The following PDE1A variants were observed in gnomAD, a reference collection of about 807,000 sequenced individuals.
PDE1A encodes the protein phosphodiesterase 1A.
Under a neutral mutation model 61.7 loss-of-function variants are expected in PDE1A, and 35 were observed. The ratio of observed to expected loss-of-function variants is 0.57; its 90% confidence interval spans 0.43 to 0.75. The LOEUF (loss-of-function observed/expected upper bound fraction) is 0.75. PDE1A is among the 30% of genes least tolerant of loss of function. The probability of loss-of-function intolerance (pLI) is 0.00; values close to 1 mark genes in which losing one functional copy is unlikely to be tolerated. For missense variants in PDE1A, 597 were observed against 630.6 expected (o/e 0.95, Z 0.57); for synonymous variants, 232 against 213.2 (o/e 1.09, Z -0.77).
chr2:182,675,367 T>C, the PDE1A span, among the ~76,000 whole-genome samples: 1 of 152,304 alleles, frequency 6.6e-6, no homozygotes, highest in East Asian at 1.9e-4. Context: ...TAGATGGGCA[T>C]TTAGGTTGAT....
chr2:182,239,225 T>G (rs1280146361), intron 3 of PDE1A, among the ~76,000 whole-genome samples: 3 of 152,218 alleles, frequency 2.0e-5, no homozygotes, highest in African/African-American at 7.2e-5. Context: ...TATCAGAAGA[T>G]GAGAAATAAT....
At chr2:182,169,882 TGGACA>T (rs1376641591) in intron 13 of PDE1A, among the ~76,000 whole-genome samples, 1 of 146,084 alleles carries the variant, frequency 6.8e-6, no homozygotes, top group Non-Finnish European at 1.5e-5. Flanking sequence ...GCAAATACAG[TGGACA>T]GGAGACACAC....
intron 1 of PDE1A, among the ~76,000 whole-genome samples, chr2:182,307,429 T>G (rs2125934475): frequency 6.6e-6 from 1 of 152,268 alleles, no homozygotes; most frequent in Middle Eastern, 3.4e-3. Flanking sequence ...CTCTTGCCCT[T>G]CCACCATGTG....
rs146130996 is a variant in PDE1A at position 182,359,640 on chromosome 2, T to C, written c.53+66938A>G. On this transcript the variant is annotated intron_variant, in intron 1 of 13. Coordinates refer to ENST00000351439, the Ensembl canonical transcript of PDE1A. ...TTTTTTTGTTTGACATCCACATCAG[T>C]ATAGTAAATGAGTAGTTAAGATCTG... 3.4e-4 allele frequency among the ~76,000 whole-genome samples: 51 copies of C among 152,210 alleles called. No individual in the cohort carries two copies. In the East Asian group the frequency reaches 5.6e-3, roughly 17 times the overall value.
rs532001092 is a variant in PDE1A, at chr2:182,226,270, C to A, written c.676-2306G>T. On this transcript the variant is annotated intron_variant, in intron 6 of 13. Coordinates refer to ENST00000351439, the Ensembl canonical transcript of PDE1A. The stretch of plus-strand genomic sequence containing the variant: ...AGAGATGGAATTAATTAGTGATTGA[C>A]TCATAAATATTTACAATTATTATCT... Among the ~76,000 whole-genome samples, 4 of 149,848 alleles carry A rather than the reference C, an allele frequency of 2.7e-5. No individual in the cohort carries two copies. In the South Asian group the frequency reaches 8.3e-4, roughly 31 times the overall value.
chr2:182,543,619 A>T, the PDE1A span, among the ~76,000 whole-genome samples: 16 of 130,746 alleles, frequency 1.2e-4, no homozygotes, highest in Non-Finnish European at 1.9e-4. Flanking sequence ...CTTTAACCTT[A>T]TTTTAATCAA....
the PDE1A span, among the ~76,000 whole-genome samples, chr2:182,571,460 T>C: frequency 3.3e-5 from 5 of 152,108 alleles, no homozygotes; most frequent in African/African-American, 1.2e-4. Flanking sequence ...TTCTAATTCT[T>C]TGTCTAAAGT....
At chr2:182,364,466 T>TCAA (rs1699699627) in intron 1 of PDE1A, among the ~76,000 whole-genome samples, 1 of 35,842 alleles carries the variant, frequency 2.8e-5, no homozygotes. Flanking sequence ...AACACTTTGG[T>TCAA]AAAAAAAAAA....
rs772794339 is a variant in PDE1A at position 182,189,095 on chromosome 2, G to A, written c.1126-35C>T. 3.5e-6 allele frequency: 5 copies of A among 1,437,702 alleles called. No individual in the cohort carries two copies. In the Admixed American group the frequency reaches 5.4e-5, roughly 15 times the overall value. 89.1% of individuals were successfully genotyped at this position (1,437,702 alleles called of 1,614,324 possible). The stretch of plus-strand genomic sequence containing the variant: ...GAAAAGCACATTAATATAGACTTGG[G>A]TTGGAGAAGCTAAAATAATGAGCAA... On this transcript the variant is annotated intron_variant, in intron 10 of 13. Transcript: ENST00000351439.
At chr2:182,348,023 T>C (rs1403568586) in intron 1 of PDE1A, among the ~76,000 whole-genome samples, 3 of 152,132 alleles carry the variant, frequency 2.0e-5, no homozygotes, top group Non-Finnish European at 4.4e-5. Flanking sequence ...TTAAGTCAAT[T>C]ACCCTCCTAG....
intron 2 of PDE1A, among the ~76,000 whole-genome samples, chr2:182,249,818 C>G (rs1055525541): frequency 6.7e-6 from 1 of 150,120 alleles, no homozygotes; most frequent in African/African-American, 2.4e-5. Context: ...GTTTGAGGAT[C>G]GATATAGATG....
intron 2 of PDE1A, among the ~76,000 whole-genome samples, chr2:182,449,909 A>G (rs1400520729): frequency 6.6e-6 from 1 of 152,058 alleles, no homozygotes; most frequent in East Asian, 1.9e-4. Flanking sequence ...TATATGTAGC[A>G]TTTAAATTTA....
chr2:182,466,727 G>A (rs1686696282), intron 2 of PDE1A, among the ~76,000 whole-genome samples: 1 of 151,932 alleles, frequency 6.6e-6, no homozygotes, highest in South Asian at 2.1e-4. Context: ...CTCAGGAGTG[G>A]GGGCTCTTGA....
chr2:182,270,088 G>A (rs1393501052), intron 1 of PDE1A, among the ~76,000 whole-genome samples: 1 of 152,122 alleles, frequency 6.6e-6, no homozygotes, highest in Admixed American at 6.6e-5. Flanking sequence ...AAATCAGCCT[G>A]AAAATATGTG....
At chr2:182,571,590 T>C in the PDE1A span, among the ~76,000 whole-genome samples, 1 of 152,074 alleles carries the variant, frequency 6.6e-6, no homozygotes, top group Non-Finnish European at 1.5e-5. Flanking sequence ...GGATTAAAGA[T>C]AACATTCAAT....
At chr2:182,372,385 G>T (rs1472718018) in intron 1 of PDE1A, among the ~76,000 whole-genome samples, 1 of 152,120 alleles carries the variant, frequency 6.6e-6, no homozygotes. Context: ...AATGATAATT[G>T]TGATCATTTT....
intron 2 of PDE1A, among the ~76,000 whole-genome samples, chr2:182,461,705 G>C (rs1229885530): frequency 6.6e-6 from 1 of 152,114 alleles, no homozygotes; most frequent in African/African-American, 2.4e-5. Context: ...ACCTATAAAT[G>C]AAGATTCCAG....
the PDE1A span, among the ~76,000 whole-genome samples, chr2:182,592,466 T>C: frequency 6.6e-6 from 1 of 152,238 alleles, no homozygotes; most frequent in African/African-American, 2.4e-5. Context: ...GCATTTACAC[T>C]TGAACTTGGT....
chr2:182,465,924 T>C (rs1320561153), intron 2 of PDE1A, among the ~76,000 whole-genome samples: 2 of 151,842 alleles, frequency 1.3e-5, no homozygotes, highest in Non-Finnish European at 1.5e-5. Context: ...CGGAAAAGAG[T>C]AGTATTCAAA....
Sources: allele counts gnomAD v4.1 joint callset (sites outside exome capture counted in the v4.1 genomes callset), GRCh38; gene constraint gnomAD v4.1.1; transcripts MANE v1.5; gene names NCBI Gene and HGNC (gene_info 2026-07-23, HGNC 2026-07-21).